Variants in PI4KA observed in about 807,000 individuals in gnomAD.
PI4KA encodes phosphatidylinositol 4-kinase alpha.
In PI4KA, 122 loss-of-function variants were observed where a neutral mutation model predicts 271.4. The observed-to-expected ratio is 0.45, with a 90% CI of 0.39 to 0.52. The LOEUF (loss-of-function observed/expected upper bound fraction) is 0.52. Ranked by LOEUF, PI4KA falls within the 20% of genes least tolerant of loss-of-function variation. The probability of loss-of-function intolerance (pLI) is 0.00; values close to 1 mark genes in which losing one functional copy is unlikely to be tolerated. For synonymous variants in PI4KA, 1,041 were observed against 1,078.8 expected (o/e 0.96, Z 0.69); for missense variants, 1,969 against 2,769.1 (o/e 0.71, Z 6.48).
chr22:20,769,834 T>A (rs967460051), intron 19 of PI4KA, among the ~76,000 whole-genome samples: 2 of 152,184 alleles, frequency 1.3e-5, no homozygotes, highest in Non-Finnish European at 2.9e-5. Context: ...TGACTTGGAC[T>A]AGACATGTGA....
chr22:20,815,345 C>T lies in PI4KA; in HGVS notation c.857-1839G>A, dbSNP rs974477700. The stretch of plus-strand genomic sequence containing the variant: ...GCAGTGAGCCAAGATTGCACCACTG[C>T]ACTCCATTCTGGTGACAGTAGGAGA... On this transcript the variant is annotated intron_variant, in intron 7 of 54. Coordinates refer to ENST00000255882, the MANE Select transcript of PI4KA (RefSeq NM_058004.4). 3.0e-5 allele frequency among the ~76,000 whole-genome samples: 4 copies of T among 135,130 alleles called. No homozygotes were observed. The East Asian group carries it at 6.8e-4, about 23-fold the overall frequency. The allele number at this position is 135,130 out of a possible 152,430, so 88.7% of individuals were successfully genotyped here.
intron 18 of PI4KA, among the ~76,000 whole-genome samples, chr22:20,793,597 G>T (rs1007914244): frequency 6.6e-6 from 1 of 152,082 alleles, no homozygotes; most frequent in Non-Finnish European, 1.5e-5. Context: ...CAAGATTTAA[G>T]ACTATGCTAT....
At chr22:20,731,999 C>T (rs113408792) in intron 36 of PI4KA, among the ~76,000 whole-genome samples, 246 of 150,564 alleles carry the variant, frequency 1.6e-3, no homozygotes, top group African/African-American at 5.6e-3. Flanking sequence ...GGTGAAACCC[C>T]GTCTCTACTA....
chr22:20,846,256 T>A (rs1380824701), intron 1 of PI4KA, among the ~76,000 whole-genome samples: 1 of 89,334 alleles, frequency 1.1e-5, no homozygotes, highest in African/African-American at 4.9e-5. Flanking sequence ...AGAACAAGAC[T>A]CTATCTCAAA....
intron 36 of PI4KA, 49 bp from the exon 37 acceptor site, chr22:20,730,060 G>A (rs1461396707): frequency 1.9e-6 from 3 of 1,598,758 alleles, no homozygotes; most frequent in Admixed American, 1.7e-5. Context: ...CTCAAGAAAA[G>A]GTACCACAAA....
chr22:20,708,048 CA>C lies in PI4KA; in HGVS notation c.6307del (p.Ter2103GlufsTer44). 1 of 1,609,298 alleles carries C rather than the reference CA, an allele frequency of 6.2e-7. No individual in the cohort carries two copies. On this transcript the variant is annotated frameshift_variant and stop_lost, in exon 55 of 55. Coordinates refer to ENST00000255882, the MANE Select transcript of PI4KA (RefSeq NM_058004.4). LOFTEE classifies it high-confidence loss of function. ...CAGAGGCCCTCGAAGGTCCCCTCCTCAGTAGGGGATGTCATTCTGATAGTAC... is the reference window on the plus strand; with the variant it reads ...CAGAGGCCCTCGAAGGTCCCCTCCTCGTAGGGGATGTCATTCTGATAGTAC... ...IQYYQNDIPY[*>X] is the part of the protein sequence containing the mutation.
At chr22:20,720,420 C>T (rs886373305) in intron 43 of PI4KA, among the ~76,000 whole-genome samples, 1 of 152,100 alleles carries the variant, frequency 6.6e-6, no homozygotes, top group Non-Finnish European at 1.5e-5. Context: ...GTCGTGGTGG[C>T]GTGCACCTAT....
At chr22:20,768,154 A>C (rs1932704385) in intron 19 of PI4KA, among the ~76,000 whole-genome samples, 2 of 151,962 alleles carry the variant, frequency 1.3e-5, no homozygotes, top group Non-Finnish European at 2.9e-5. Flanking sequence ...GGTGCTACTT[A>C]CTCACTTCCC....
At position 20,747,620 on chromosome 22, in the gene PI4KA, T is replaced by C; in HGVS notation, c.3326A>G (p.His1109Arg). 1 of 1,614,060 alleles carries C rather than the reference T, an allele frequency of 6.2e-7. No homozygotes were observed. The highest frequency in any genetic ancestry group is 8.5e-7 in the Non-Finnish European group (1 of 1,179,998). ...GTTCTGCTTGTTGTAGCCAGCAAAG[T>C]GAAGGATGCTCTCAGTGGCCATGGC... ...GLAMATESIL[H>R]FAGYNKQNTT... Residue 1109 changes from histidine to arginine, a missense_variant, in exon 29 of 55, where the codon CAC becomes CGC. Coordinates refer to ENST00000255882, the MANE Select transcript of PI4KA (RefSeq NM_058004.4).
At position 20,793,227 on chromosome 22, in the gene PI4KA, C is replaced by A; in HGVS notation, c.2294G>T (p.Gly765Val). 6.3e-7 allele frequency: 1 copy of A among 1,577,648 alleles called. No homozygotes were observed. The highest frequency in any genetic ancestry group is 8.7e-7 in the Non-Finnish European group (1 of 1,147,116). ...GPALKASSSA[G>V]NLGVLIPVIA... ...TACAGGAATGAGTACTCCCAAGTTC[C>A]CTGCACTGCTAGAAGCCTAGAAAAG... Residue 765 changes from glycine to valine, a missense_variant, in exon 19 of 55, where the codon GGG becomes GTG. Gly to Val is a moderately radical substitution (Grantham distance 109). This residue lies in a region of PI4KA where 368 missense variants were observed against 544.3 expected (regional missense o/e 0.68). Coordinates refer to ENST00000255882, the MANE Select transcript of PI4KA (RefSeq NM_058004.4).
chr22:20,727,867 A>G lies in PI4KA; in HGVS notation c.4683-3T>C. 2.5e-6 allele frequency: 4 copies of G among 1,612,218 alleles called. No homozygotes were observed. The highest frequency in any genetic ancestry group is 3.4e-6 in the Non-Finnish European group (4 of 1,178,298). On this transcript the variant is annotated splice_region_variant and splice_polypyrimidine_tract_variant and intron_variant, in intron 39 of 54. Transcript: ENST00000255882. ...CAATGGCTTCTGTGTTCTTAAACCT[A>G]CAGTGCACAGAGGGTATGGGTGGTG...
At position 20,768,824 on chromosome 22, in the gene PI4KA, A is replaced by T. The variant is rs201139148; in HGVS notation, c.2329-3131T>A. 2.0e-5 allele frequency among the ~76,000 whole-genome samples: 3 copies of T among 152,336 alleles called. No homozygotes were observed. The East Asian group carries it at 5.8e-4, about 29-fold the overall frequency. On this transcript the variant is annotated intron_variant, in intron 19 of 54. Coordinates refer to ENST00000255882, the MANE Select transcript of PI4KA (RefSeq NM_058004.4). The stretch of plus-strand genomic sequence containing the variant: ...GAGGGCAGCAGCAGACGGAAGCGAC[A>T]CAGGGCAGGAAATCTAGAGCCACAC...
In PI4KA at chr22:20,799,271, G is replaced by A. The variant is rs748233488; in HGVS notation, c.1826C>T (p.Ala609Val). 1.1e-5 allele frequency: 17 copies of A among 1,521,658 alleles called. No homozygotes were observed. Among genetic ancestry groups the A allele is most frequent in the South Asian group, 2.7e-5 (2 of 75,276 alleles). The allele number at this position is 1,521,658 out of a possible 1,614,324, so 94.3% of individuals were successfully genotyped here. Residue 609 changes from alanine (A) to valine (V), a missense_variant, in exon 16 of 55, where the codon GCT (alanine) becomes GTT (valine). By Grantham distance (64) the Ala-to-Val change is moderately conservative. This residue lies in a region of PI4KA where 228 missense variants were observed against 261.6 expected (regional missense o/e 0.87). Transcript: ENST00000255882. The stretch of plus-strand genomic sequence containing the variant: ...GATTGTGTGGTCGGGAATCAAGTGA[G>A]CGTCCCTACAGAAGGAAGAACAGAA... ...LYISQESDKD[A>V]HLIPDHTIRA...
chr22:20,748,249 C>T (rs550950071), intron 28 of PI4KA, among the ~76,000 whole-genome samples: 6 of 152,348 alleles, frequency 3.9e-5, no homozygotes, highest in Middle Eastern at 6.8e-3. Context: ...CGGTGTTGCA[C>T]CGTCAATGGG....
rs1935086618 is a variant in PI4KA, at chr22:20,798,044, A to G, written c.2108+540T>C. Among the ~76,000 whole-genome samples, 6 of 152,226 alleles carry G rather than the reference A, an allele frequency of 3.9e-5. No homozygotes were observed. The South Asian group carries it at 1.2e-3, about 31-fold the overall frequency. ...AAAACTGGTCAGACTTTATACAAGT[A>G]TCAAATGTTCAAGGACGTTTAACGC... On this transcript the variant is annotated intron_variant, in intron 17 of 54. Transcript: ENST00000255882.
intron 19 of PI4KA, chr22:20,787,194 T>C (rs570601087): frequency 4.7e-6 from 4 of 849,928 alleles, no homozygotes; most frequent in South Asian, 2.8e-5. Context: ...TCGAGGCCCA[T>C]ATGAGAGGAG....
intron 19 of PI4KA, 54 bp from the exon 20 acceptor site, chr22:20,765,747 A>T: frequency 8.5e-7 from 1 of 1,177,398 alleles, no homozygotes; most frequent in Admixed American, 1.7e-5. Context: ...GGAAACCCTA[A>T]GCCCTGTAGG....
At chr22:20,776,488 A>G (rs535651295) in intron 19 of PI4KA, among the ~76,000 whole-genome samples, 39 of 152,322 alleles carry the variant, frequency 2.6e-4, no homozygotes, top group East Asian at 7.7e-4. Context: ...GTGCAATTCA[A>G]AAGTCTTTCT....
chr22:20,719,897 G>A (rs1362390780), intron 43 of PI4KA, among the ~76,000 whole-genome samples: 4 of 151,948 alleles, frequency 2.6e-5, no homozygotes, highest in Non-Finnish European at 4.4e-5. Flanking sequence ...GTGGTGGCAG[G>A]CGCCTGTAGT....
Sources: gnomAD v4.1 joint callset for allele counts (sites outside exome capture counted in the v4.1 genomes callset) on GRCh38, gnomAD v4.1.1 for gene constraint, gnomAD v4.1.1 regional missense constraint, MANE v1.5 for transcripts, NCBI Gene and HGNC (gene_info 2026-07-23, HGNC 2026-07-21) for gene names.